NCOA1: variants seen among roughly 807,000 people sequenced by gnomAD.
NCOA1 encodes nuclear receptor coactivator 1.
NCOA1 carries 35 observed loss-of-function variants against 150.9 expected under a neutral mutation model. The observed-to-expected ratio is 0.23, with a 90% CI of 0.18 to 0.31. The LOEUF is 0.31. Among genes scored for constraint, NCOA1 ranks in the 10% least tolerant of loss-of-function variants. The probability of loss-of-function intolerance (pLI) is 1.00; values close to 1 mark genes in which losing one functional copy is unlikely to be tolerated. For missense variants in NCOA1, 1,491 were observed against 1,749.3 expected, an observed-to-expected ratio of 0.85 and a Z score of 2.63; for synonymous variants, 590 against 630.0, an observed-to-expected ratio of 0.94 and a Z score of 0.95.
At chr2:24,636,456 A>G (rs545357600) in intron 3 of NCOA1, among the ~76,000 whole-genome samples, 25 of 152,178 alleles carry the variant, frequency 1.6e-4, no homozygotes, top group Non-Finnish European at 2.6e-4. Context: ...CACTTATTGC[A>G]TTCAACTTTG....
At chr2:24,572,545 A>G (rs527683019) in intron 2 of NCOA1, among the ~76,000 whole-genome samples, 1 of 152,296 alleles carries the variant, frequency 6.6e-6, no homozygotes, top group South Asian at 2.1e-4. Context: ...CATTCATATG[A>G]GAGAAGGCTC....
At chr2:24,618,467 G>C (rs971955410) in intron 3 of NCOA1, among the ~76,000 whole-genome samples, 5 of 152,102 alleles carry the variant, frequency 3.3e-5, no homozygotes, top group Non-Finnish European at 5.9e-5. Flanking sequence ...TTACCATCTG[G>C]TCTGAAGACC....
intron 1 of NCOA1, among the ~76,000 whole-genome samples, chr2:24,542,044 T>C (rs1012412918): frequency 1.2e-4 from 18 of 152,188 alleles, no homozygotes; most frequent in Non-Finnish European, 2.4e-4. Flanking sequence ...CAGGAAATAA[T>C]ACTAGTGAGT....
At position 24,768,474 on chromosome 2, in the gene NCOA1, T is replaced by TCAAAA; in HGVS notation, c.*83_*84insCAAAA. On this transcript the variant is annotated 3_prime_UTR_variant, in exon 23 of 23. Coordinates refer to ENST00000348332, the MANE Select transcript of NCOA1 (RefSeq NM_003743.5). Reference sequence around the variant, plus strand: ...TTATATATTTTTCTGAGATTTTTGATATCTCAATCTGCAGCCATTCTTCAG... The same window carrying TCAAAA: ...TTATATATTTTTCTGAGATTTTTGATCAAAAATCTCAATCTGCAGCCATTCTTCAG... 2.5e-6 allele frequency: 2 copies of TCAAAA among 797,932 alleles called. No homozygotes were observed. The highest frequency in any genetic ancestry group is 3.3e-6 in the Non-Finnish European group (2 of 605,284). The allele number at this position is 797,932 out of a possible 1,614,324, so 49.4% of individuals were successfully genotyped here. A position where few individuals can be genotyped will look rare whatever the true frequency, so the allele number is the denominator to read the frequency against.
intron 3 of NCOA1, among the ~76,000 whole-genome samples, chr2:24,619,552 G>A (rs1359478908): frequency 6.6e-6 from 1 of 152,090 alleles, no homozygotes; most frequent in African/African-American, 2.4e-5. Context: ...GGATCAAAGG[G>A]GTCCAGACCC....
intron 1 of NCOA1, among the ~76,000 whole-genome samples, chr2:24,516,955 A>ATATATACGTATATATACGT (rs1558758490): frequency 1.4e-5 from 1 of 70,078 alleles, no homozygotes; most frequent in Non-Finnish European, 2.9e-5. Context: ...TATATATACA[A>ATATATACGTATATATACGT]GTATATATAC....
intron 1 of NCOA1, among the ~76,000 whole-genome samples, chr2:24,500,409 G>C (rs567671155): frequency 1.3e-5 from 2 of 152,302 alleles, no homozygotes; most frequent in Non-Finnish European, 2.9e-5. Context: ...CGCCTGGCCA[G>C]TAGTTTCTTA....
At chr2:24,638,102 C>T (rs982755457) in intron 3 of NCOA1, among the ~76,000 whole-genome samples, 1 of 151,484 alleles carries the variant, frequency 6.6e-6, no homozygotes, top group Non-Finnish European at 1.5e-5. Flanking sequence ...ACAAATCTCT[C>T]TCTATCCCTA....
Position 24,682,952 on chromosome 2 carries a change from C to G in NCOA1, c.356C>G (p.Ala119Gly). 1 of 1,586,466 alleles carries G rather than the reference C, an allele frequency of 6.3e-7. No homozygotes were observed. Among genetic ancestry groups the G allele is most frequent in the Admixed American group, 1.9e-5 (1 of 52,236 alleles). ...KESLGPLLLE[A>G]LDGFFFVVNC... ...CATTTTTTTCTTTTGGTTTTGCAGG[C>G]TTTGGATGGATTTTTCTTTGTTGTG... Residue 119 changes from alanine to glycine, a missense_variant and splice_region_variant, in exon 8 of 23, where the codon GCT becomes GGT. Physicochemically the swap from Ala to Gly is moderately conservative, Grantham distance 60 (BLOSUM62 0). Around this residue, in one of 8 missense-constraint regions of NCOA1, gnomAD observed 80 missense variants for 163.0 expected, o/e 0.49. Coordinates refer to ENST00000348332, the MANE Select transcript of NCOA1 (RefSeq NM_003743.5).
intron 1 of NCOA1, among the ~76,000 whole-genome samples, chr2:24,551,990 C>T (rs892008861): frequency 6.6e-6 from 1 of 152,108 alleles, no homozygotes; most frequent in Non-Finnish European, 1.5e-5. Context: ...ACTATCCCTT[C>T]TATTCCATTA....
intron 1 of NCOA1, among the ~76,000 whole-genome samples, chr2:24,515,234 A>C (rs1664114962): frequency 6.6e-6 from 1 of 151,786 alleles, no homozygotes; most frequent in African/African-American, 2.4e-5. Flanking sequence ...ATTTATTTTC[A>C]TTTTTATTAT....
At chr2:24,718,725 CAAAA>C (rs556188432) in intron 14 of NCOA1, among the ~76,000 whole-genome samples, 1 of 114,998 alleles carries the variant, frequency 8.7e-6, no homozygotes. Flanking sequence ...ACTAAAACTA[CAAAA>C]AAAAAAAAAA....
chr2:24,505,320 C>T lies in NCOA1; in HGVS notation c.-396+13718C>T, dbSNP rs145579497. Among the ~76,000 whole-genome samples the T allele has an allele frequency of 6.2e-3, 946 of 151,914 alleles. 13 individuals carry two copies. The highest frequency in any genetic ancestry group is 0.021 in the African/African-American group (868 of 41,434). ...TTCTGCCTCAGCCTCCCAAGTAGTA[C>T]AGGCATGTGCCACCATGCCTGGTTC... is the stretch of plus-strand genomic sequence containing the variant. On this transcript the variant is annotated intron_variant, in intron 1 of 22. Transcript: ENST00000348332.
intron 21 of NCOA1, 93 bp downstream of exon 21, chr2:24,758,249 C>A: frequency 8.1e-7 from 1 of 1,230,554 alleles, no homozygotes; most frequent in Non-Finnish European, 1.1e-6. Context: ...TCAGAAATAG[C>A]CACACTTCTT....
At chr2:24,501,920 A>G (rs895264546) in intron 1 of NCOA1, among the ~76,000 whole-genome samples, 7 of 152,102 alleles carry the variant, frequency 4.6e-5, no homozygotes, top group Non-Finnish European at 8.8e-5. Context: ...GCCAAGTTTG[A>G]TGGATATATC....
At chr2:24,498,036 A>G (rs1663299057) in intron 1 of NCOA1, among the ~76,000 whole-genome samples, 1 of 152,252 alleles carries the variant, frequency 6.6e-6, no homozygotes, top group African/African-American at 2.4e-5. Flanking sequence ...GTATGTATGT[A>G]TATAAACATA....
chr2:24,567,934 G>A (rs1666581623), intron 2 of NCOA1, among the ~76,000 whole-genome samples: 1 of 152,014 alleles, frequency 6.6e-6, no homozygotes, highest in Admixed American at 6.5e-5. Context: ...AGTAGAGACG[G>A]AGTTTCACCA....
rs1032505269 is a variant in NCOA1, at chr2:24,729,611, T to C, written c.2997T>C (p.Ser999=). Residue 999 remains serine (S), a synonymous_variant, in exon 17 of 23, where the codon TCT becomes TCC. Transcript: ENST00000348332. The stretch of plus-strand genomic sequence containing the variant: ...ATTCCCAGCCTTACTCTTCTCCTTC[T>C]CCTACTGCCAATCTCCCTAGCCCTT... ...NLYSQPYSSP[S]PTANLPSPFQ... 2.5e-6 allele frequency: 4 copies of C among 1,614,040 alleles called. No homozygotes were observed. The highest frequency in any genetic ancestry group is 1.7e-5 in the Admixed American group (1 of 60,000).
At position 24,705,172 on chromosome 2, in the gene NCOA1, C is replaced by T; in HGVS notation, c.1036C>T (p.Leu346Phe). Reference sequence around the variant, plus strand: ...GCTTAGCGCCCACACCAAGTGTAAACTTTGCTACCCTCAAAGTCCAGACAT... The same window carrying T: ...GCTTAGCGCCCACACCAAGTGTAAATTTTGCTACCCTCAAAGTCCAGACAT... ...TMLSAHTKCK[L>F]CYPQSPDMQP... Residue 346 changes from leucine to phenylalanine, a missense_variant, in exon 12 of 23, where the codon CTT (leucine) becomes TTT (phenylalanine). Physicochemically the swap from Leu to Phe is conservative, Grantham distance 22. Transcript: ENST00000348332. 1.2e-6 allele frequency: 2 copies of T among 1,614,046 alleles called. No individual in the cohort carries two copies. Among genetic ancestry groups the T allele is most frequent in the South Asian group, 1.1e-5 (1 of 91,076 alleles).
Sources: allele counts gnomAD v4.1 joint callset (sites outside exome capture counted in the v4.1 genomes callset), GRCh38; gene constraint gnomAD v4.1.1; regional missense constraint gnomAD v4.1.1; transcripts MANE v1.5; gene names NCBI Gene and HGNC (gene_info 2026-07-23, HGNC 2026-07-21).